NSMCE2: variants seen among roughly 807,000 people sequenced by gnomAD.
NSMCE2 encodes E3 SUMO-protein ligase NSE2.
NSMCE2 carries 24 observed loss-of-function variants against 23.8 expected under a neutral mutation model. The observed-to-expected ratio is 1.01, with a 90% CI of 0.73 to 1.42. The LOEUF is 1.42. Ranked by LOEUF, NSMCE2 falls within the 40% of genes most tolerant of loss-of-function variation. The probability of loss-of-function intolerance (pLI) is 0.00; values close to 1 mark genes in which losing one functional copy is unlikely to be tolerated. For missense variants in NSMCE2, 284 were observed against 296.5 expected, an observed-to-expected ratio of 0.96 and a Z score of 0.31; for synonymous variants, 92 against 94.1, an observed-to-expected ratio of 0.98 and a Z score of 0.13.
rs1830376837 is a variant in NSMCE2, at chr8:125,344,815, A to ATG, written c.419-12402_419-12401dup. On this transcript the variant is annotated intron_variant, in intron 5 of 7. Transcript: ENST00000287437. ...AATTTCAGTTTTTTCACCTCATGTA[A>ATG]TGTAAGCATTTCCTCATGTTGAAGA... 3.3e-5 allele frequency among the ~76,000 whole-genome samples: 5 copies of ATG among 152,130 alleles called. No homozygotes were observed. In the South Asian group the frequency reaches 1.0e-3, roughly 31 times the overall value.
intron 5 of NSMCE2, among the ~76,000 whole-genome samples, chr8:125,213,995 G>A (rs1165948430): frequency 6.6e-6 from 1 of 152,128 alleles, no homozygotes; most frequent in Non-Finnish European, 1.5e-5. Context: ...CAGAATTAAG[G>A]CAGGAAATTA....
At chr8:125,211,138 A>G (rs910575988) in intron 5 of NSMCE2, among the ~76,000 whole-genome samples, 6 of 152,190 alleles carry the variant, frequency 3.9e-5, no homozygotes, top group Non-Finnish European at 5.9e-5. Flanking sequence ...ATGTGTATGT[A>G]TAATAACATT....
At chr8:125,281,479 G>T (rs1235978671) in intron 5 of NSMCE2, among the ~76,000 whole-genome samples, 2 of 152,050 alleles carry the variant, frequency 1.3e-5, no homozygotes, top group Non-Finnish European at 2.9e-5. Flanking sequence ...TTGCTCTGTT[G>T]CCCAGGTTGG....
At chr8:125,103,094 C>T (rs1391246602) in intron 3 of NSMCE2, among the ~76,000 whole-genome samples, 5 of 151,974 alleles carry the variant, frequency 3.3e-5, no homozygotes, top group African/African-American at 9.7e-5. Flanking sequence ...GGTGAAACCC[C>T]GTCTCTACTA....
At chr8:125,164,966 G>A (rs1586547737) in intron 4 of NSMCE2, among the ~76,000 whole-genome samples, 1 of 152,296 alleles carries the variant, frequency 6.6e-6, no homozygotes, top group East Asian at 1.9e-4. Context: ...GAAGTAGTGA[G>A]GGATAAGTCT....
chr8:125,143,141 G>C (rs1280785018), intron 3 of NSMCE2, among the ~76,000 whole-genome samples: 1 of 152,020 alleles, frequency 6.6e-6, no homozygotes, highest in African/African-American at 2.4e-5. Flanking sequence ...TGCATGTATA[G>C]ATGTGTGTTG....
intron 5 of NSMCE2, among the ~76,000 whole-genome samples, chr8:125,189,903 G>T (rs959518716): frequency 1.3e-5 from 2 of 152,168 alleles, no homozygotes; most frequent in African/African-American, 4.8e-5. Context: ...AAGTGTGACT[G>T]CTTAGAACAT....
chr8:125,128,832 C>A (rs912872749), intron 3 of NSMCE2, among the ~76,000 whole-genome samples: 2 of 152,166 alleles, frequency 1.3e-5, no homozygotes, highest in Non-Finnish European at 2.9e-5. Context: ...TAATAACGGG[C>A]CTTGTGATTA....
intron 5 of NSMCE2, among the ~76,000 whole-genome samples, chr8:125,187,375 G>T (rs1470834032): frequency 6.6e-6 from 1 of 152,198 alleles, no homozygotes; most frequent in Non-Finnish European, 1.5e-5. Flanking sequence ...ACTAGCCCAA[G>T]TTGTGAAATG....
chr8:125,096,982 C>T (rs1271757330), intron 1 of NSMCE2, among the ~76,000 whole-genome samples: 1 of 152,066 alleles, frequency 6.6e-6, no homozygotes, highest in Non-Finnish European at 1.5e-5. Flanking sequence ...CCGTAAATTT[C>T]TGTTTTTTGA....
At chr8:125,309,349 T>A (rs1335050249) in intron 5 of NSMCE2, among the ~76,000 whole-genome samples, 1 of 152,178 alleles carries the variant, frequency 6.6e-6, no homozygotes, top group Non-Finnish European at 1.5e-5. Flanking sequence ...ATTAAGCACT[T>A]TAGGAGCTTT....
chr8:125,351,008 A>C (rs1813009156), intron 5 of NSMCE2, among the ~76,000 whole-genome samples: 1 of 152,244 alleles, frequency 6.6e-6, no homozygotes, highest in Admixed American at 6.5e-5. Context: ...GGGGCTGGAT[A>C]TGGAATATGG....
chr8:125,178,794 C>G (rs1430292154), intron 4 of NSMCE2, among the ~76,000 whole-genome samples: 3 of 152,004 alleles, frequency 2.0e-5, no homozygotes, highest in South Asian at 2.1e-4. Flanking sequence ...GGTGTGAACC[C>G]GGGAGGTGGA....
chr8:125,362,727 G>C (rs919676950), intron 7 of NSMCE2, among the ~76,000 whole-genome samples: 2 of 152,204 alleles, frequency 1.3e-5, no homozygotes, highest in African/African-American at 2.4e-5. Flanking sequence ...AGGCCATCCA[G>C]CTCCCCTTGG....
chr8:125,100,237 G>A (rs865950438), intron 1 of NSMCE2, among the ~76,000 whole-genome samples: 1 of 152,138 alleles, frequency 6.6e-6, no homozygotes, highest in Non-Finnish European at 1.5e-5. Context: ...TCTAGTGAGA[G>A]GAGTCGTAAA....
intron 5 of NSMCE2, among the ~76,000 whole-genome samples, chr8:125,195,724 G>A (rs905178790): frequency 6.6e-6 from 1 of 151,970 alleles, no homozygotes; most frequent in African/African-American, 2.4e-5. Context: ...TATTTTGGGG[G>A]AAATATATTT....
chr8:125,220,957 T>G (rs4330708), intron 5 of NSMCE2, among the ~76,000 whole-genome samples: 74,433 of 151,996 alleles, frequency 0.49, 22,680 homozygotes, highest in African/African-American at 0.87. Flanking sequence ...GGGCCCTGTG[T>G]GTGCTAAAAA....
intron 5 of NSMCE2, among the ~76,000 whole-genome samples, chr8:125,289,380 A>ATCTGTC (rs977963240): frequency 2.4e-4 from 37 of 152,222 alleles, no homozygotes; most frequent in Admixed American, 7.2e-4. Context: ...CTCTCAGCCA[A>ATCTGTC]TCTGTCTCTG....
chr8:125,107,922 T>C (rs1351840575), intron 3 of NSMCE2, among the ~76,000 whole-genome samples: 1 of 151,890 alleles, frequency 6.6e-6, no homozygotes, highest in African/African-American at 2.4e-5. Context: ...TAGTCCCAGC[T>C]ACTCAGAAGG....
Sources: allele counts gnomAD v4.1 joint callset (sites outside exome capture counted in the v4.1 genomes callset), GRCh38; gene constraint gnomAD v4.1.1; transcripts MANE v1.5; gene names NCBI Gene and HGNC (gene_info 2026-07-23, HGNC 2026-07-21).